The following GPR153 variants were observed in gnomAD, a reference collection of about 807,000 sequenced individuals.
GPR153 encodes the protein probable G protein-coupled receptor 153.
GPR153 carries 27 observed loss-of-function variants against 34.1 expected under a neutral mutation model. That is an observed-to-expected ratio of 0.79 (90% CI 0.58 to 1.09). The LOEUF (loss-of-function observed/expected upper bound fraction) is 1.09, where lower values mean the gene tolerates loss of function less well. Ranked by LOEUF, GPR153 falls within the 50% of genes least tolerant of loss-of-function variation. The pLI, the probability that GPR153 is intolerant of heterozygous loss-of-function variation, is 0.00. For missense variants in GPR153, 848 were observed against 860.2 expected (o/e 0.99, Z 0.18); for synonymous variants, 408 against 405.4 (o/e 1.01, Z -0.08).
At chr1:6,260,790 T>A (rs1207716561) in intron 1 of GPR153, 35 bp downstream of exon 1, 2 of 151,116 alleles carry the variant, frequency 1.3e-5, no homozygotes, top group African/African-American at 4.9e-5. Context: ...GGTCCTCCCG[T>A]CCGTCCGCCC....
In GPR153 at chr1:6,253,829, C is replaced by G. The variant is rs765147731; in HGVS notation, c.675G>C (p.Lys225Asn). 4 of 1,596,926 alleles carry G rather than the reference C, an allele frequency of 2.5e-6. No individual in the cohort carries two copies. In the African/African-American group the frequency reaches 5.4e-5, roughly 21 times the overall value. Residue 225 changes from lysine to asparagine, a missense_variant, in exon 3 of 6, where the codon AAG becomes AAC. Transcript: ENST00000377893. ...CCGAGCCATCGATGGAGGAGCGCCG[C>G]TTGCCCTGCGCGTCCTCCACCACGA... ...PTIVVEDAQG[K>N]RRSSIDGSEP...
rs137859776 is a variant in GPR153 at position 6,253,862 on chromosome 1, C to T, written c.642G>A (p.Val214=). ...GCGCGTCCTCCACCACGATGGTGGG[C>T]ACGGTGAAGGCGCGGCGGTCGGCCT... is the stretch of plus-strand genomic sequence containing the variant. The part of the protein sequence containing the change: ...GRQADRRAFT[V]PTIVVEDAQG... Residue 214 remains valine, a synonymous_variant, in exon 3 of 6, where the codon GTG becomes GTA. Coordinates refer to ENST00000377893, the MANE Select transcript of GPR153 (RefSeq NM_207370.4). The T allele has an allele frequency of 6.2e-7, 1 of 1,606,692 alleles. No homozygotes were observed. The highest frequency in any genetic ancestry group is 8.5e-7 in the Non-Finnish European group (1 of 1,175,060).
Position 6,254,049 on chromosome 1 carries a change from G to T in GPR153, c.455C>A (p.Thr152Asn). 2 of 1,613,520 alleles carry T rather than the reference G, an allele frequency of 1.2e-6. No individual in the cohort carries two copies. Among genetic ancestry groups the T allele is most frequent in the Non-Finnish European group, 1.7e-6 (2 of 1,180,010 alleles). Residue 152 changes from threonine (T) to asparagine (N), a missense_variant, in exon 3 of 6, where the codon ACC (threonine) becomes AAC (asparagine). Thr to Asn is a moderately conservative substitution (Grantham distance 65, BLOSUM62 0). Transcript: ENST00000377893. ...SALPAVGWHD[T>N]SERFYTHGCR... ...GCCATGGGTGTAGAAGCGCTCGCTG[G>T]TGTCGTGCCAGCCAACGGCAGGCAG...
At position 6,249,910 on chromosome 1, in the gene GPR153, C is replaced by A; in HGVS notation, c.1258G>T (p.Asp420Tyr). The change falls in exon 6 of 6, where the codon GAC becomes TAC. Residue 420 changes from aspartate (D) to tyrosine (Y), a missense_variant. Coordinates refer to ENST00000377893, the MANE Select transcript of GPR153 (RefSeq NM_207370.4). This position sits in a 1 kb window ranked among gnomAD's most constrained non-coding sequence, Gnocchi z 4.3. ...AFLPRWGSGE[D>Y]LAALAHLVLP... is the part of the protein sequence containing the mutation. ...ACCAGGTGCGCCAGGGCGGCCAGGT[C>A]CTCGCCGGAGCCCCAGCGCGGCAGG... 1 of 1,289,742 alleles carries A rather than the reference C, an allele frequency of 7.8e-7. No homozygotes were observed. Among genetic ancestry groups the A allele is most frequent in the Non-Finnish European group, 9.9e-7 (1 of 1,015,016 alleles). 79.9% of individuals were successfully genotyped at this position (1,289,742 alleles called of 1,614,324 possible). A position where few individuals can be genotyped will look rare whatever the true frequency, so the allele number is the denominator to read the frequency against.
Position 6,249,585 on chromosome 1 carries a change from G to T in GPR153, c.1583C>A (p.Ala528Asp), listed in dbSNP as rs901956147. The T allele has an allele frequency of 2.7e-5, 31 of 1,167,496 alleles. No homozygotes were observed. Among genetic ancestry groups the T allele is most frequent in the African/African-American group, 1.3e-4 (8 of 61,718 alleles). The allele number at this position is 1,167,496 out of a possible 1,614,324, so 72.3% of individuals were successfully genotyped here. The change falls in exon 6 of 6, where the codon GCC becomes GAC. Residue 528 changes from alanine (A) to aspartate (D), a missense_variant. Coordinates refer to ENST00000377893, the MANE Select transcript of GPR153 (RefSeq NM_207370.4). This position sits in a 1 kb window ranked among gnomAD's most constrained non-coding sequence, Gnocchi z 4.3. Reference protein sequence around the residue: ...PPGPFPAAPAAPDGADPGEAP... With the variant: ...PPGPFPAAPADPDGADPGEAP... Reference sequence around the variant, plus strand: ...CTCTCCGGGATCTGCGCCGTCGGGGGCGGCGGGCGCAGCGGGGAAGGGCCC... The same window carrying T: ...CTCTCCGGGATCTGCGCCGTCGGGGTCGGCGGGCGCAGCGGGGAAGGGCCC...
In GPR153 at chr1:6,250,316, G is replaced by T. The variant is rs1571237226; in HGVS notation, c.1164+124C>A. On this transcript the variant is annotated intron_variant, in intron 5 of 5. Coordinates refer to ENST00000377893, the MANE Select transcript of GPR153 (RefSeq NM_207370.4). Reference sequence around the variant, plus strand: ...TGTGACCTTTGGACAGCCCGTCCTCGGATGGTGACAGCCACCCCTGCGACT... The same window carrying T: ...TGTGACCTTTGGACAGCCCGTCCTCTGATGGTGACAGCCACCCCTGCGACT... The T allele has an allele frequency of 4.8e-6, 7 of 1,448,664 alleles. No individual in the cohort carries two copies. In the South Asian group the frequency reaches 7.3e-5, roughly 15 times the overall value. The allele number at this position is 1,448,664 out of a possible 1,614,324, so 89.7% of individuals were successfully genotyped here. A position where few individuals can be genotyped will look rare whatever the true frequency, so the allele number is the denominator to read the frequency against.
In GPR153 at chr1:6,254,734, C is replaced by T; in HGVS notation, c.172G>A (p.Ala58Thr). 3 of 1,613,708 alleles carry T rather than the reference C, an allele frequency of 1.9e-6. No homozygotes were observed. The highest frequency in any genetic ancestry group is 2.5e-6 in the Non-Finnish European group (3 of 1,179,874). ...ACGGAGTAGGTGGCGATGGGCACGG[C>T]CACATTTAGCATGTGGGTGGCCGCG... ...TLAATHMLNV[A>T]VPIATYSVVQ... Residue 58 changes from alanine (A) to threonine (T), a missense_variant, in exon 2 of 6, where the codon GCC becomes ACC. Transcript: ENST00000377893.
At chr1:6,259,882 C>T (rs921465775) in intron 1 of GPR153, among the ~76,000 whole-genome samples, 3 of 152,126 alleles carry the variant, frequency 2.0e-5, no homozygotes, top group African/African-American at 4.8e-5. Flanking sequence ...ACAGTGCCGA[C>T]GGGACCCAGT....
At chr1:6,256,897 G>A (rs1156608025) in intron 1 of GPR153, among the ~76,000 whole-genome samples, 1 of 152,228 alleles carries the variant, frequency 6.6e-6, no homozygotes, top group Non-Finnish European at 1.5e-5. Flanking sequence ...GGCGCACCAT[G>A]ACCTATCTGG....
At chr1:6,252,135 T>C (rs1638461680) in intron 3 of GPR153, among the ~76,000 whole-genome samples, 1 of 152,176 alleles carries the variant, frequency 6.6e-6, no homozygotes, top group Non-Finnish European at 1.5e-5. Context: ...CAAAGAGTGA[T>C]GCTTAAGTGA....
At chr1:6,253,601 A>G in intron 3 of GPR153, 117 bp downstream of exon 3, 1 of 941,810 alleles carries the variant, frequency 1.1e-6, no homozygotes, top group Non-Finnish European at 1.5e-6. Flanking sequence ...AATGGGGACG[A>G]TGATCAAGCC....
rs750349137 is a variant in GPR153 at position 6,251,447 on chromosome 1, G to C, written c.870C>G (p.Ala290=). 3 of 1,613,374 alleles carry C rather than the reference G, an allele frequency of 1.9e-6. No homozygotes were observed. Among genetic ancestry groups the C allele is most frequent in the Non-Finnish European group, 2.5e-6 (3 of 1,179,976 alleles). ...LCVLWCSVAQ[A]LLLPVFLWAC... is the part of the protein sequence containing the mutation. ...CCCAGAGGAACACAGGCAGCAGCAG[G>C]GCCTGGGCCACGGAGCACCACAGCA... is the stretch of plus-strand genomic sequence containing the variant. Residue 290 remains alanine (A), a synonymous_variant, in exon 4 of 6, where the codon GCC becomes GCG. Transcript: ENST00000377893. This position sits in a 1 kb window ranked among gnomAD's most constrained non-coding sequence, Gnocchi z 4.9.
Position 6,249,287 on chromosome 1 carries a change from C to G in GPR153, c.*51G>C. ...AGGCGGGCGTCTTTGGTGCTGCGGCCCCGGAGAGCGGCCTGGCCTGCCTGG... is the reference window on the plus strand; with the variant it reads ...AGGCGGGCGTCTTTGGTGCTGCGGCGCCGGAGAGCGGCCTGGCCTGCCTGG... On this transcript the variant is annotated 3_prime_UTR_variant, in exon 6 of 6. Coordinates refer to ENST00000377893, the MANE Select transcript of GPR153 (RefSeq NM_207370.4). The surrounding 1 kb of genome is among the most constrained non-coding windows in gnomAD (Gnocchi z 4.3). 3 of 1,212,968 alleles carry G rather than the reference C, an allele frequency of 2.5e-6. No homozygotes were observed. The highest frequency in any genetic ancestry group is 1.6e-5 in the African/African-American group (1 of 63,630). 75.1% of individuals were successfully genotyped at this position (1,212,968 alleles called of 1,614,324 possible). A position where few individuals can be genotyped will look rare whatever the true frequency, so the allele number is the denominator to read the frequency against.
At chr1:6,250,156 C>T in intron 5 of GPR153, 153 bp from the exon 6 acceptor site, 2 of 985,428 alleles carry the variant, frequency 2.0e-6, no homozygotes, top group Non-Finnish European at 2.4e-6. Context: ...GGTGCAGTCT[C>T]TTCGAGCCGC....
In GPR153 at chr1:6,251,212, G is replaced by C. The variant is rs1638440282; in HGVS notation, c.979+126C>G. 1 of 752,900 alleles carries C rather than the reference G, an allele frequency of 1.3e-6. No individual in the cohort carries two copies. The highest frequency in any genetic ancestry group is 1.7e-5 in the South Asian group (1 of 57,188). The allele number at this position is 752,900 out of a possible 1,614,324, so 46.6% of individuals were successfully genotyped here. A position where few individuals can be genotyped will look rare whatever the true frequency, so the allele number is the denominator to read the frequency against. ...TTCAAGTACATTTGGGGGTGACACG[G>C]GGTGTCTGGTGGTTGAGAATGAAGT... is the stretch of plus-strand genomic sequence containing the variant. On this transcript the variant is annotated intron_variant, in intron 4 of 5. Transcript: ENST00000377893. The surrounding 1 kb of genome is among the most constrained non-coding windows in gnomAD (Gnocchi z 4.9).
In GPR153 at chr1:6,249,059, CACT is replaced by C; in HGVS notation, c.*276_*278del. 1 of 319,516 alleles carries C rather than the reference CACT, an allele frequency of 3.1e-6. No homozygotes were observed. Among genetic ancestry groups the C allele is most frequent in the Non-Finnish European group, 5.7e-6 (1 of 175,546 alleles). The allele number at this position is 319,516 out of a possible 1,614,324, so 19.8% of individuals were successfully genotyped here. ...CAGCTGGACGTGTGCACATGTCACT[CACT>C]ACCCAAGCCCAAGCTTGGGATGTCA... is the stretch of plus-strand genomic sequence containing the variant. On this transcript the variant is annotated 3_prime_UTR_variant, in exon 6 of 6. Coordinates refer to ENST00000377893, the MANE Select transcript of GPR153 (RefSeq NM_207370.4). The surrounding 1 kb of genome is among the most constrained non-coding windows in gnomAD (Gnocchi z 4.3).
rs573315786 is a variant in GPR153, at chr1:6,256,230, C to T, written c.-109-1216G>A. 2.2e-3 allele frequency among the ~76,000 whole-genome samples: 329 copies of T among 152,268 alleles called. 3 individuals carry two copies. The highest frequency in any genetic ancestry group is 6.9e-3 in the African/African-American group (286 of 41,536). On this transcript the variant is annotated intron_variant, in intron 1 of 5. Transcript: ENST00000377893. Reference sequence around the variant, plus strand: ...AACAGTGCTGTTCCCCTCCAGAGGACGCAGCATTCAAGGCACCATCTTTGA... The same window carrying T: ...AACAGTGCTGTTCCCCTCCAGAGGATGCAGCATTCAAGGCACCATCTTTGA...
At position 6,253,944 on chromosome 1, in the gene GPR153, C is replaced by A. The variant is rs1330652862; in HGVS notation, c.560G>T (p.Gly187Val). 1 of 1,612,092 alleles carries A rather than the reference C, an allele frequency of 6.2e-7. No homozygotes were observed. Among genetic ancestry groups the A allele is most frequent in the Non-Finnish European group, 8.5e-7 (1 of 1,179,544 alleles). The change falls in exon 3 of 6, where the codon GGC (glycine) becomes GTC (valine). Residue 187 changes from glycine to valine, a missense_variant. Physicochemically the swap from Gly to Val is moderately radical, Grantham distance 109 (BLOSUM62 -3). Transcript: ENST00000377893. ...LLLVGGSVAM[G>V]VICTAIALFQ... ...GAGGGCGATGGCTGTGCAGATCACG[C>A]CCATGGCCACGCTGCCGCCCACCAG...
chr1:6,255,642 G>GCT lies in GPR153; in HGVS notation c.-109-629_-109-628insAG, dbSNP rs1476167661. Among the ~76,000 whole-genome samples the GCT allele has an allele frequency of 8.5e-4, 33 of 38,842 alleles. 2 individuals are homozygous for GCT. Among genetic ancestry groups the GCT allele is most frequent in the African/African-American group, 3.2e-3 (33 of 10,410 alleles). 25.5% of individuals were successfully genotyped at this position (38,842 alleles called of 152,430 possible). A position where few individuals can be genotyped will look rare whatever the true frequency, so the allele number is the denominator to read the frequency against. On this transcript the variant is annotated intron_variant, in intron 1 of 5. Coordinates refer to ENST00000377893, the MANE Select transcript of GPR153 (RefSeq NM_207370.4). ...GGCCTGCACCACTATGCCTGGCTACGTTTTTTTTTTTTTTTTTTTTTTTTT... is the reference window on the plus strand; with the variant it reads ...GGCCTGCACCACTATGCCTGGCTACGCTTTTTTTTTTTTTTTTTTTTTTTTTT...
Sources: allele counts gnomAD v4.1 joint callset (sites outside exome capture counted in the v4.1 genomes callset), GRCh38; gene constraint gnomAD v4.1.1; non-coding constraint Gnocchi (gnomAD v3.1); transcripts MANE v1.5; gene names NCBI Gene and HGNC (gene_info 2026-07-23, HGNC 2026-07-21).